Variants in PAPLN observed in about 807,000 individuals in gnomAD.
The protein encoded by PAPLN is papilin, proteoglycan like sulfated glycoprotein, also known as papilin.
PAPLN carries 146 observed loss-of-function variants against 159.0 expected under a neutral mutation model. The ratio of observed to expected loss-of-function variants is 0.92; its 90% CI spans 0.80 to 1.05. PAPLN has a LOEUF of 1.05. Ranked by LOEUF, PAPLN falls within the 50% of genes least tolerant of loss-of-function variation. The pLI, the probability that PAPLN is intolerant of heterozygous loss-of-function variation, is 0.00. For synonymous variants in PAPLN, 734 were observed against 702.9 expected, an observed-to-expected ratio of 1.04 and a Z score of -0.70; for missense variants, 1,720 against 1,743.9, an observed-to-expected ratio of 0.99 and a Z score of 0.24.
intron 5 of PAPLN, among the ~76,000 whole-genome samples, chr14:73,248,017 T>TGC (rs1267568034): frequency 1.1e-5 from 1 of 87,874 alleles, no homozygotes; most frequent in Non-Finnish European, 2.2e-5. Context: ...TGTGTGTGTG[T>TGC]GTGTGTGTGT....
At chr14:73,263,917 A>G (rs1886883284) in intron 20 of PAPLN, 135 bp downstream of exon 20, 1 of 881,358 alleles carries the variant, frequency 1.1e-6, no homozygotes, top group South Asian at 1.4e-5. Flanking sequence ...GGTGTGTGTG[A>G]CAGCCCCCCT....
In PAPLN at chr14:73,268,691, G is replaced by T. The variant is rs768931779; in HGVS notation, c.3635G>T (p.Ser1212Ile). The change falls in exon 26 of 27, where the codon AGC becomes ATC. Residue 1212 changes from serine (S) to isoleucine (I), a missense_variant. By Grantham distance (142) the Ser-to-Ile change is moderately radical. Coordinates refer to ENST00000644200, the MANE Select transcript of PAPLN (RefSeq NM_001365906.3). ...CSAYQGSQAV[S>I]RSTEVKVVSP... ...GCCTACCAGGGGAGCCAGGCAGTCAGCCGCAGCACCGAGGTGAAGGTGGTC... is the reference window on the plus strand; with the variant it reads ...GCCTACCAGGGGAGCCAGGCAGTCATCCGCAGCACCGAGGTGAAGGTGGTC... The T allele has an allele frequency of 1.9e-6, 3 of 1,613,290 alleles. No homozygotes were observed. Among genetic ancestry groups the T allele is most frequent in the Non-Finnish European group, 2.5e-6 (3 of 1,179,628 alleles).
At position 73,273,646 on chromosome 14, in the gene PAPLN, G is replaced by A. The variant is rs763443785; in HGVS notation, c.*982G>A. 3 of 152,174 alleles carry A rather than the reference G, an allele frequency of 2.0e-5. No homozygotes were observed. Among genetic ancestry groups the A allele is most frequent in the African/African-American group, 4.8e-5 (2 of 41,426 alleles). The allele number at this position is 152,174 out of a possible 1,614,324, so 9.4% of individuals were successfully genotyped here. ...TTCCACTTAATTTAAAGCTGGGCAG[G>A]GAGATGTGTAATGATTTCAAAGTTA... On this transcript the variant is annotated 3_prime_UTR_variant, in exon 27 of 27. Transcript: ENST00000644200.
chr14:73,270,966 T>TA (rs367595420), intron 26 of PAPLN, among the ~76,000 whole-genome samples: 54 of 152,266 alleles, frequency 3.5e-4, no homozygotes, highest in Admixed American at 2.0e-4. Flanking sequence ...CAGGCTGAGG[T>TA]AAAAGGGACA....
chr14:73,250,867 A>G (rs1885169496), intron 6 of PAPLN, 40 bp from the exon 7 acceptor site: 2 of 1,570,040 alleles, frequency 1.3e-6, no homozygotes, highest in Admixed American at 1.8e-5. Flanking sequence ...TGATGTGGCC[A>G]TGATGCCGTC....
Position 73,249,112 on chromosome 14 carries a change from C to T in PAPLN, c.335-872C>T, listed in dbSNP as rs1233026756. Among the ~76,000 whole-genome samples, 9 of 152,246 alleles carry T rather than the reference C, an allele frequency of 5.9e-5. 1 individual carries two copies. In the South Asian group the frequency reaches 1.9e-3, roughly 32 times the overall value. On this transcript the variant is annotated intron_variant, in intron 5 of 26. Coordinates refer to ENST00000644200, the MANE Select transcript of PAPLN (RefSeq NM_001365906.3). ...TGCCTCTGCATTCCAGCCTGGGAGACAGAGTGAGATCCCATCTGAAAAACA... is the reference window on the plus strand; with the variant it reads ...TGCCTCTGCATTCCAGCCTGGGAGATAGAGTGAGATCCCATCTGAAAAACA...
At chr14:73,253,039 T>G in intron 11 of PAPLN, 1 of 1,161,940 alleles carries the variant, frequency 8.6e-7, no homozygotes, top group Non-Finnish European at 1.2e-6. Flanking sequence ...TTGGAGAAGG[T>G]TCCAGAGGTC....
Position 73,265,332 on chromosome 14 carries a change from G to A in PAPLN, c.3126-38G>A. On this transcript the variant is annotated intron_variant, in intron 22 of 26. Coordinates refer to ENST00000644200, the MANE Select transcript of PAPLN (RefSeq NM_001365906.3). This position sits in a 1 kb window ranked among gnomAD's most constrained non-coding sequence, Gnocchi z 4.1. ...CCCATGGGAGTAGGCGGGGGCAACG[G>A]CAAGGGCCCCTCATGCTGTGGGCTG... The A allele has an allele frequency of 6.3e-7, 1 of 1,595,282 alleles. No homozygotes were observed. The highest frequency in any genetic ancestry group is 1.1e-5 in the South Asian group (1 of 90,298).
chr14:73,261,354 CAG>C, intron 18 of PAPLN, 60 bp downstream of exon 18: 1 of 1,574,730 alleles, frequency 6.4e-7, no homozygotes, highest in African/African-American at 1.4e-5. Context: ...ACCATGCCTC[CAG>C]CCCCCACCCA....
Position 73,264,683 on chromosome 14 carries a change from C to G in PAPLN, c.3082C>G (p.Pro1028Ala), listed in dbSNP as rs779815868. The change falls in exon 22 of 27, where the codon CCC becomes GCC. Residue 1028 changes from proline to alanine, a missense_variant. By Grantham distance (27) the Pro-to-Ala change is conservative (BLOSUM62 -1). Transcript: ENST00000644200. Reference protein sequence around the residue: ...QDFGQAGAAGPLGAIPSSHPQ... With the variant: ...QDFGQAGAAGALGAIPSSHPQ... ...CTTTGGCCAAGCGGGGGCTGCTGGG[C>G]CCCTGGGGGCCATCCCCTCTTCACA... 20 of 1,611,646 alleles carry G rather than the reference C, an allele frequency of 1.2e-5. No homozygotes were observed. Among genetic ancestry groups the G allele is most frequent in the Non-Finnish European group, 1.4e-5 (17 of 1,179,448 alleles).
chr14:73,246,216 T>TAC (rs1471595794), intron 5 of PAPLN, 41 bp downstream of exon 5: 5 of 1,480,772 alleles, frequency 3.4e-6, no homozygotes, highest in Non-Finnish European at 4.5e-6. Context: ...GCCTCTTGTA[T>TAC]ACCTACGTTG....
At chr14:73,240,401 T>G (rs1883409994) in intron 2 of PAPLN, among the ~76,000 whole-genome samples, 1 of 152,112 alleles carries the variant, frequency 6.6e-6, no homozygotes, top group Non-Finnish European at 1.5e-5. Context: ...AGTTTTAATT[T>G]TACTTGACTT....
In PAPLN at chr14:73,246,154, C is replaced by A. The variant is rs755902550; in HGVS notation, c.313C>A (p.Arg105=). The A allele has an allele frequency of 3.1e-6, 5 of 1,589,228 alleles. No individual in the cohort carries two copies. The highest frequency in any genetic ancestry group is 3.4e-6 in the Non-Finnish European group (4 of 1,170,874). Residue 105 remains arginine, a synonymous_variant, in exon 5 of 27, where the codon CGG becomes AGG. Coordinates refer to ENST00000644200, the MANE Select transcript of PAPLN (RefSeq NM_001365906.3). ...AGCGGAGTTCCAGGGGCGGCGGTAT[C>A]GGTGGCTGCCCTACTACAGCGGTGA... ...DGAEFQGRRY[R]WLPYYSAPNK...
intron 1 of PAPLN, chr14:73,239,493 T>C: frequency 2.2e-6 from 1 of 451,834 alleles, no homozygotes; most frequent in Non-Finnish European, 3.8e-6. Context: ...TATTTTTAAT[T>C]GCTCTCTCTT....
rs1885518032 is a variant in PAPLN, at chr14:73,253,343, G to T, written c.1095-411G>T. The T allele has an allele frequency of 5.2e-6, 5 of 968,294 alleles. No individual in the cohort carries two copies. In the Admixed American group the frequency reaches 6.9e-5, roughly 13 times the overall value. The allele number at this position is 968,294 out of a possible 1,614,324, so 60.0% of individuals were successfully genotyped here. On this transcript the variant is annotated intron_variant, in intron 11 of 26. Coordinates refer to ENST00000644200, the MANE Select transcript of PAPLN (RefSeq NM_001365906.3). ...ACTTGGCTTTGCATGGGGCCACAGG[G>T]CTGCTCTTTCCTCTGGGTCCTTGCA...
chr14:73,250,875 G>T (rs545177108), intron 6 of PAPLN, 32 bp from the exon 7 acceptor site: 6 of 1,582,856 alleles, frequency 3.8e-6, no homozygotes, highest in South Asian at 1.2e-5. Context: ...CCATGATGCC[G>T]TCTCCCCTGC....
rs771145359 is a variant in PAPLN at position 73,254,686 on chromosome 14, CT to C, written c.1477del (p.Trp493GlyfsTer309). 20 of 1,613,568 alleles carry C rather than the reference CT, an allele frequency of 1.2e-5. No homozygotes were observed. In the South Asian group the frequency reaches 2.2e-4, roughly 18 times the overall value. On this transcript the variant is annotated frameshift_variant, in exon 13 of 27. Transcript: ENST00000644200. LOFTEE classifies it high-confidence loss of function. ...LSDQAWHVGT[W>X]GLCSKSCSSG... ...GTGACCAGGCCTGGCATGTTGGCAC[CT>C]GGGGTCTAGTGAGTGCTCTCCACCC...
At position 73,260,816 on chromosome 14, in the gene PAPLN, C is replaced by T. The variant is rs150580252; in HGVS notation, c.2093C>T (p.Ala698Val). 111 of 1,496,592 alleles carry T rather than the reference C, an allele frequency of 7.4e-5. No homozygotes were observed. The African/African-American group carries it at 1.5e-3, about 20-fold the overall frequency. The allele number at this position is 1,496,592 out of a possible 1,614,324, so 92.7% of individuals were successfully genotyped here. A position where few individuals can be genotyped will look rare whatever the true frequency, so the allele number is the denominator to read the frequency against. The change falls in exon 17 of 27, where the codon GCA becomes GTA. Residue 698 changes from alanine (A) to valine (V), a missense_variant. Transcript: ENST00000644200. ...ACCGGGGGCATGCCCAGGTCAAGGG[C>T]AGTGGCTTCTACAGTAAGTGTCTGG... Reference protein sequence around the residue: ...DSTGGMPRSRAVASTVHNTHQ... With the variant: ...DSTGGMPRSRVVASTVHNTHQ...
intron 20 of PAPLN, 68 bp from the exon 21 acceptor site, chr14:73,264,143 G>C (rs1357016533): frequency 8.1e-6 from 13 of 1,605,436 alleles, no homozygotes; most frequent in Non-Finnish European, 1.0e-5. Context: ...GAGCACCGAG[G>C]CGGAGGGAAG....
Sources: gnomAD v4.1 joint callset for allele counts (sites outside exome capture counted in the v4.1 genomes callset) on GRCh38, gnomAD v4.1.1 for gene constraint, Gnocchi (gnomAD v3.1) non-coding constraint, MANE v1.5 for transcripts, NCBI Gene and HGNC (gene_info 2026-07-23, HGNC 2026-07-21) for gene names.